The following SLC6A16 variants were observed in gnomAD, a reference collection of about 807,000 sequenced individuals.
SLC6A16 encodes orphan sodium- and chloride-dependent neurotransmitter transporter NTT5.
SLC6A16 carries 54 observed loss-of-function variants against 65.4 expected under a neutral mutation model. The observed-to-expected ratio is 0.83, with a 90% CI of 0.66 to 1.04. The LOEUF is 1.04. Ranked by LOEUF, SLC6A16 falls within the 50% of genes least tolerant of loss-of-function variation. The probability of loss-of-function intolerance (pLI) is 0.00; values close to 1 mark genes in which losing one functional copy is unlikely to be tolerated. For synonymous variants in SLC6A16, 330 were observed against 346.5 expected, an observed-to-expected ratio of 0.95 and a Z score of 0.53; for missense variants, 816 against 914.0, an observed-to-expected ratio of 0.89 and a Z score of 1.38.
the SLC6A16 span, chr19:49,338,891 T>G: frequency 6.2e-7 from 1 of 1,614,008 alleles, no homozygotes; most frequent in Admixed American, 1.7e-5. This position sits in a 1 kb window ranked among gnomAD's most constrained non-coding sequence, Gnocchi z 5.0. Flanking sequence ...CCAGACACAG[T>G]GCAGACATCT....
In SLC6A16 at chr19:49,313,072, C is replaced by CAAAAAAAAAAAAAAAAAAA. The variant is rs5828385; in HGVS notation, c.-64-1680_-64-1662dup. ...CACTCCAGCCTGGGCAACCCTGTCT[C>CAAAAAAAAAAAAAAAAAAA]AAAAAAAAAAAAAAAAAAAAAAAGA... On this transcript the variant is annotated intron_variant, in intron 1 of 11. Coordinates refer to ENST00000335875, the MANE Select transcript of SLC6A16 (RefSeq NM_014037.3). Among the ~76,000 whole-genome samples the CAAAAAAAAAAAAAAAAAAA allele has an allele frequency of 2.1e-4, 20 of 95,776 alleles. 2 individuals carry two copies. Among genetic ancestry groups the CAAAAAAAAAAAAAAAAAAA allele is most frequent in the African/African-American group, 1.1e-3 (20 of 18,976 alleles). 62.8% of individuals were successfully genotyped at this position (95,776 alleles called of 152,430 possible). A position where few individuals can be genotyped will look rare whatever the true frequency, so the allele number is the denominator to read the frequency against.
chr19:49,293,769 G>A (rs974029765), intron 9 of SLC6A16, 58 bp downstream of exon 9: 2 of 1,475,286 alleles, frequency 1.4e-6, no homozygotes, highest in African/African-American at 2.8e-5. Flanking sequence ...CAAAAAAAGA[G>A]TCCCAGTGGT....
chr19:49,305,710 G>A (rs1469745565), intron 7 of SLC6A16: 1 of 151,840 alleles, frequency 6.6e-6, no homozygotes, highest in African/African-American at 2.4e-5. Context: ...TACAAGCCCA[G>A]CAGAAGAGCT....
upstream of SLC6A16, chr19:49,325,300 T>C: frequency 1.1e-6 from 1 of 931,856 alleles, no homozygotes; most frequent in Non-Finnish European, 1.3e-6. Context: ...CCTCCCCAAC[T>C]CCCTGCTCTC....
In SLC6A16 at chr19:49,292,448, C is replaced by G. The variant is rs1970095710; in HGVS notation, c.1778+775G>C. On this transcript the variant is annotated intron_variant, in intron 10 of 11. Coordinates refer to ENST00000335875, the MANE Select transcript of SLC6A16 (RefSeq NM_014037.3). This position sits in a 1 kb window ranked among gnomAD's most constrained non-coding sequence, Gnocchi z 4.3. The stretch of plus-strand genomic sequence containing the variant: ...TCTTGACTCTTCCTGGTCTGTTCTC[C>G]AGACAGCAGCCATAAATACCTTTTT... Among the ~76,000 whole-genome samples the G allele has an allele frequency of 1.3e-5, 2 of 152,168 alleles. No individual in the cohort carries two copies. Among genetic ancestry groups the G allele is most frequent in the African/African-American group, 4.8e-5 (2 of 41,444 alleles).
rs1970132924 is a variant in SLC6A16 at position 49,293,983 on chromosome 19, T to C, written c.1462A>G (p.Met488Val). The change falls in exon 9 of 12, where the codon ATG (methionine) becomes GTG (valine). Residue 488 changes from methionine to valine, a missense_variant. Physicochemically the swap from Met to Val is conservative, Grantham distance 21. Coordinates refer to ENST00000335875, the MANE Select transcript of SLC6A16 (RefSeq NM_014037.3). ...KFAFLSFVEA[M>V]SFLPPSVFWS... The stretch of plus-strand genomic sequence containing the variant: ...AAGACAGACGGAGGAAGGAAGGACA[T>C]GGCTTCAACAAAGGACAGGAATGCA... 1.9e-6 allele frequency: 3 copies of C among 1,613,412 alleles called. No homozygotes were observed. The South Asian group carries it at 3.3e-5, about 18-fold the overall frequency.
At position 49,311,395 on chromosome 19, in the gene SLC6A16, C is replaced by G. The variant is rs201103168; in HGVS notation, c.-48G>C. 173 of 1,521,788 alleles carry G rather than the reference C, an allele frequency of 1.1e-4. No homozygotes were observed. The highest frequency in any genetic ancestry group is 1.1e-3 in the African/African-American group (79 of 71,878). 94.3% of individuals were successfully genotyped at this position (1,521,788 alleles called of 1,614,324 possible). The stretch of plus-strand genomic sequence containing the variant: ...GCTCCCGCTTCTGCAAGGGAGGGTT[C>G]ATCTTCCTGAGGAGACCTGAAGGAC... On this transcript the variant is annotated 5_prime_UTR_variant, in exon 2 of 12. The change abolishes an upstream ATG in the 5' untranslated region. Coordinates refer to ENST00000335875, the MANE Select transcript of SLC6A16 (RefSeq NM_014037.3).
chr19:49,298,241 A>G (rs1205367905), intron 7 of SLC6A16, among the ~76,000 whole-genome samples: 2 of 152,216 alleles, frequency 1.3e-5, no homozygotes, highest in Non-Finnish European at 2.9e-5. Flanking sequence ...CACTTGCAAC[A>G]ACAAAAATTG....
In SLC6A16 at chr19:49,310,470, G is replaced by C. The variant is rs374543770; in HGVS notation, c.456C>G (p.Val152=). ...TCTCCAGGAAGAGAAGAGGAACCCCGACCAGGAACAGCATGAAGATGTAGA... is the reference window on the plus strand; with the variant it reads ...TCTCCAGGAAGAGAAGAGGAACCCCCACCAGGAACAGCATGAAGATGTAGA... ...AAIYIFMLFL[V]GVPLLFLEMA... Residue 152 remains valine (V), a synonymous_variant, in exon 3 of 12, where the codon GTC becomes GTG. Coordinates refer to ENST00000335875, the MANE Select transcript of SLC6A16 (RefSeq NM_014037.3). The C allele has an allele frequency of 6.2e-7, 1 of 1,614,124 alleles. No individual in the cohort carries two copies. The highest frequency in any genetic ancestry group is 8.5e-7 in the Non-Finnish European group (1 of 1,180,006).
chr19:49,340,144 CCG>C, the SLC6A16 span: 1 of 1,514,222 alleles, frequency 6.6e-7, no homozygotes. Flanking sequence ...CAGCCCCTTC[CCG>C]CCCAATTCAC....
the SLC6A16 span, chr19:49,339,473 C>A: frequency 1.9e-6 from 3 of 1,565,764 alleles, no homozygotes; most frequent in South Asian, 3.3e-5. The surrounding 1 kb of genome is among the most constrained non-coding windows in gnomAD (Gnocchi z 4.5). Flanking sequence ...CCCTGCCCTT[C>A]ATTTCGCGTC....
chr19:49,325,968 C>G (rs1970791626), upstream of SLC6A16, among the ~76,000 whole-genome samples: 3 of 151,472 alleles, frequency 2.0e-5, no homozygotes, highest in Admixed American at 2.0e-4. Context: ...TCGAGACTAG[C>G]TTGGCCAACA....
intron 7 of SLC6A16, among the ~76,000 whole-genome samples, chr19:49,300,744 A>G (rs909994929): frequency 3.3e-5 from 5 of 152,164 alleles, no homozygotes; most frequent in African/African-American, 1.2e-4. Context: ...CAATTTGGCA[A>G]CTATCCTTGA....
chr19:49,325,735 A>C (rs1970788482), upstream of SLC6A16, among the ~76,000 whole-genome samples: 1 of 152,206 alleles, frequency 6.6e-6, no homozygotes, highest in South Asian at 2.1e-4. Flanking sequence ...TATGAGTTAC[A>C]TTTATATGGG....
rs1378901706 is a variant in SLC6A16 at position 49,292,373 on chromosome 19, A to G, written c.1778+850T>C. ...CAGAGCAAGACTCCATCTCAAAAAG[A>G]AAGAAAAAAAGAAATATTACATAGC... On this transcript the variant is annotated intron_variant, in intron 10 of 11. Coordinates refer to ENST00000335875, the MANE Select transcript of SLC6A16 (RefSeq NM_014037.3). The surrounding 1 kb of genome is among the most constrained non-coding windows in gnomAD (Gnocchi z 4.3). Among the ~76,000 whole-genome samples, 1 of 152,180 alleles carries G rather than the reference A, an allele frequency of 6.6e-6. No individual in the cohort carries two copies. Among genetic ancestry groups the G allele is most frequent in the Non-Finnish European group, 1.5e-5 (1 of 68,030 alleles).
the SLC6A16 span, chr19:49,337,921 T>G: frequency 5.6e-6 from 9 of 1,614,014 alleles, no homozygotes; most frequent in South Asian, 9.9e-5. Flanking sequence ...TGGTGGCCTC[T>G]CAGCTGGAGC....
Position 49,309,346 on chromosome 19 carries a change from G to T in SLC6A16, c.942C>A (p.Leu314=), listed in dbSNP as rs1338975106. 1 of 1,614,154 alleles carries T rather than the reference G, an allele frequency of 6.2e-7. No homozygotes were observed. The highest frequency in any genetic ancestry group is 1.1e-5 in the South Asian group (1 of 91,078). ...IIVGFFIRTL[L]LEGAKFGLQQ... is the part of the protein sequence containing the mutation. ...GAAGGCCAAATTTTGCCCCTTCCAGGAGTAGAGTCCGGATGAAGAAACCGA... is the reference window on the plus strand; with the variant it reads ...GAAGGCCAAATTTTGCCCCTTCCAGTAGTAGAGTCCGGATGAAGAAACCGA... The change falls in exon 6 of 12, where the codon CTC becomes CTA. Residue 314 remains leucine, a synonymous_variant. Coordinates refer to ENST00000335875, the MANE Select transcript of SLC6A16 (RefSeq NM_014037.3).
In SLC6A16 at chr19:49,311,069, C is replaced by G. The variant is rs201259913; in HGVS notation, c.279G>C (p.Glu93Asp). The G allele has an allele frequency of 7.7e-4, 1,237 of 1,614,134 alleles. 1 individual carries two copies. The highest frequency in any genetic ancestry group is 9.8e-4 in the Non-Finnish European group (1,154 of 1,180,060). The part of the protein sequence containing the change: ...KPTHEKVQMT[E>D]KKESEVLLAR... ...CAAGGAGGACCTCACTCTCTTTCTTCTCTGTCATCTGCACCTTCTCATGCG... is the reference window on the plus strand; with the variant it reads ...CAAGGAGGACCTCACTCTCTTTCTTGTCTGTCATCTGCACCTTCTCATGCG... The change falls in exon 2 of 12, where the codon GAG (glutamate) becomes GAC (aspartate). Residue 93 changes from glutamate to aspartate, a missense_variant. By Grantham distance (45) the Glu-to-Asp change is conservative. Transcript: ENST00000335875.
At chr19:49,339,839 G>C in the SLC6A16 span, 1 of 1,337,746 alleles carries the variant, frequency 7.5e-7, no homozygotes, top group Middle Eastern at 2.9e-4. The surrounding 1 kb of genome is among the most constrained non-coding windows in gnomAD (Gnocchi z 4.5). Flanking sequence ...CCCAACTGGG[G>C]AGACAAGGCA....
Sources: allele counts gnomAD v4.1 joint callset (sites outside exome capture counted in the v4.1 genomes callset), GRCh38; gene constraint gnomAD v4.1.1; non-coding constraint Gnocchi (gnomAD v3.1); transcripts MANE v1.5; gene names NCBI Gene and HGNC (gene_info 2026-07-23, HGNC 2026-07-21).